The following BMPR2 variants were observed in gnomAD, a reference collection of about 807,000 sequenced individuals.
BMPR2 encodes bone morphogenetic protein receptor type-2.
In BMPR2, 29 loss-of-function variants were observed where a neutral mutation model predicts 100.8. The ratio of observed to expected loss-of-function variants is 0.29; its 90% CI spans 0.21 to 0.39. The LOEUF (loss-of-function observed/expected upper bound fraction) is 0.39. Among genes scored for constraint, BMPR2 ranks in the 10% least tolerant of loss-of-function variants. The pLI is 1.00. For synonymous variants in BMPR2, 382 were observed against 442.3 expected (o/e 0.86, Z 1.71); for missense variants, 1,011 against 1,274.5 (o/e 0.79, Z 3.15).
intron 7 of BMPR2, among the ~76,000 whole-genome samples, chr2:202,523,952 A>G (rs181568600): frequency 1.4e-4 from 22 of 152,250 alleles, no homozygotes; most frequent in African/African-American, 4.6e-4. Context: ...CAAATACCAC[A>G]TTTTCTCACT....
intron 1 of BMPR2, among the ~76,000 whole-genome samples, chr2:202,380,440 A>G (rs115535165): frequency 1.3e-3 from 193 of 152,172 alleles, no homozygotes; most frequent in African/African-American, 4.5e-3. Flanking sequence ...TCTTCATTTT[A>G]GTTTTTCTCA....
chr2:202,440,962 T>C (rs566419559), intron 1 of BMPR2, among the ~76,000 whole-genome samples: 2 of 150,572 alleles, frequency 1.3e-5, no homozygotes, highest in East Asian at 3.9e-4. Flanking sequence ...CTTTCCCACA[T>C]AGAAAATATT....
In BMPR2 at chr2:202,400,308, A is replaced by AT. The variant is rs35517349; in HGVS notation, c.76+22779dup. Among the ~76,000 whole-genome samples the AT allele has an allele frequency of 9.7e-3, 1,266 of 130,552 alleles. 19 individuals are homozygous for AT. The highest frequency in any genetic ancestry group is 0.038 in the East Asian group (175 of 4,596). 85.6% of individuals were successfully genotyped at this position (130,552 alleles called of 152,430 possible). On this transcript the variant is annotated intron_variant, in intron 1 of 12. Coordinates refer to ENST00000374580, the MANE Select transcript of BMPR2 (RefSeq NM_001204.7). ...AGGTGTATACCACCATGCCAAGCTA[A>AT]TTTTTTTTTTTTTTTTTTTTTGGTA...
intron 1 of BMPR2, among the ~76,000 whole-genome samples, chr2:202,416,869 C>A (rs1378037797): frequency 6.8e-6 from 1 of 148,040 alleles, no homozygotes; most frequent in African/African-American, 2.5e-5. Flanking sequence ...CAGAGTCTTG[C>A]GCTGTTGGCC....
chr2:202,390,888 CT>C (rs904723578), intron 1 of BMPR2, among the ~76,000 whole-genome samples: 5 of 143,692 alleles, frequency 3.5e-5, no homozygotes, highest in Non-Finnish European at 7.5e-5. Context: ...ATTACAACTG[CT>C]TTTTTTTTCC....
intron 1 of BMPR2, among the ~76,000 whole-genome samples, chr2:202,458,283 CAAAAAAAAAA>C (rs71035009): frequency 5.7e-5 from 3 of 52,304 alleles, no homozygotes; most frequent in Non-Finnish European, 6.8e-5. Context: ...CTTGTCTCTG[CAAAAAAAAAA>C]AAAAAAAAAA....
At chr2:202,515,297 C>T (rs1007072286) in intron 5 of BMPR2, among the ~76,000 whole-genome samples, 7 of 151,874 alleles carry the variant, frequency 4.6e-5, no homozygotes, top group East Asian at 1.9e-4. Context: ...ATGGGCCAGG[C>T]GCAGTGGCTC....
chr2:202,442,560 A>G (rs1691770428), intron 1 of BMPR2, among the ~76,000 whole-genome samples: 1 of 150,524 alleles, frequency 6.6e-6, no homozygotes, highest in East Asian at 1.9e-4. Context: ...CCTATCCTGC[A>G]TGGCTGAAAG....
At position 202,555,963 on chromosome 2, in the gene BMPR2, A is replaced by G. The variant is rs1688562678; in HGVS notation, c.2298A>G (p.Thr766=). The G allele has an allele frequency of 6.2e-7, 1 of 1,614,182 alleles. No homozygotes were observed. The highest frequency in any genetic ancestry group is 2.2e-5 in the East Asian group (1 of 44,882). Residue 766 remains threonine, a synonymous_variant, in exon 12 of 13, where the codon ACA becomes ACG. Coordinates refer to ENST00000374580, the MANE Select transcript of BMPR2 (RefSeq NM_001204.7). Reference sequence around the variant, plus strand: ...TGCCTTTGAACACCAAAAATTCAACAAAAGAGCCCCGGCTAAAATTTGGCA... The same window carrying G: ...TGCCTTTGAACACCAAAAATTCAACGAAAGAGCCCCGGCTAAAATTTGGCA... ...TSLPLNTKNS[T]KEPRLKFGSK... is the part of the protein sequence containing the mutation.
At chr2:202,534,991 C>CCCGCCACCTCCCTCCCGGACGGGGCGG (rs1174426070) in intron 9 of BMPR2, among the ~76,000 whole-genome samples, 2,612 of 127,928 alleles carry the variant, frequency 0.02, 1,105 homozygotes, top group East Asian at 0.051. Flanking sequence ...TGGCTGACCC[C>CCCGCCACCTCCCTCCCGGACGGGGCGG]CTGCCACCTC....
chr2:202,464,903 A>T lies in BMPR2; in HGVS notation c.171A>T (p.Thr57=), dbSNP rs1395349205. The T allele has an allele frequency of 3.1e-6, 5 of 1,614,146 alleles. No individual in the cohort carries two copies. The part of the protein sequence containing the change: ...GESRISHENG[T]ILCSKGSTCY... ...GTAGAATCTCTCATGAAAATGGGAC[A>T]ATATTATGCTCGAAAGGTAGCACCT... is the stretch of plus-strand genomic sequence containing the variant. The change falls in exon 2 of 13, where the codon ACA becomes ACT. Residue 57 remains threonine, a synonymous_variant. Coordinates refer to ENST00000374580, the MANE Select transcript of BMPR2 (RefSeq NM_001204.7).
chr2:202,447,384 ATATATC>A (rs1315186320), intron 1 of BMPR2, among the ~76,000 whole-genome samples: 1 of 150,618 alleles, frequency 6.6e-6, no homozygotes, highest in Non-Finnish European at 1.5e-5. Flanking sequence ...GACAACCTAA[ATATATC>A]TATAGAGAAC....
chr2:202,384,658 A>C (rs1408611966), intron 1 of BMPR2, among the ~76,000 whole-genome samples: 1 of 150,600 alleles, frequency 6.6e-6, no homozygotes, highest in Non-Finnish European at 1.5e-5. Flanking sequence ...CAATGGCAAG[A>C]TCTCTGCTCA....
At chr2:202,505,327 T>A (rs1687498139) in intron 3 of BMPR2, 1 of 149,824 alleles carries the variant, frequency 6.7e-6, no homozygotes, top group Non-Finnish European at 1.5e-5. Context: ...TAGAGGACAC[T>A]CTCTTAGGAG....
intron 7 of BMPR2, among the ~76,000 whole-genome samples, chr2:202,523,043 CAAAT>C (rs1687846682): frequency 6.6e-6 from 1 of 152,044 alleles, no homozygotes; most frequent in African/African-American, 2.4e-5. Flanking sequence ...AAGCAAAAAA[CAAAT>C]AGCCACATTG....
rs1690387463 is a variant in BMPR2, at chr2:202,384,589, T to TTTCTTTCTC, written c.76+7047_76+7048insCTTCTTTCT. ...CTTTCTTTTTCTTTCTTTTCTTTCT[T>TTTCTTTCTC]TTCTTTCTTTCTTTCTTTCTTTCGA... On this transcript the variant is annotated intron_variant, in intron 1 of 12. Coordinates refer to ENST00000374580, the MANE Select transcript of BMPR2 (RefSeq NM_001204.7). Among the ~76,000 whole-genome samples, 4 of 142,482 alleles carry TTTCTTTCTC rather than the reference T, an allele frequency of 2.8e-5. No homozygotes were observed. In the East Asian group the frequency reaches 8.0e-4, roughly 28 times the overall value. The allele number at this position is 142,482 out of a possible 152,430, so 93.5% of individuals were successfully genotyped here. A position where few individuals can be genotyped will look rare whatever the true frequency, so the allele number is the denominator to read the frequency against.
Position 202,446,655 on chromosome 2 carries a change from C to A in BMPR2, c.77-18154C>A, listed in dbSNP as rs1366844315. 4.2e-5 allele frequency among the ~76,000 whole-genome samples: 6 copies of A among 144,096 alleles called. 1 individual carries two copies. The highest frequency in any genetic ancestry group is 1.6e-4 in the African/African-American group (6 of 37,224). The allele number at this position is 144,096 out of a possible 152,430, so 94.5% of individuals were successfully genotyped here. A position where few individuals can be genotyped will look rare whatever the true frequency, so the allele number is the denominator to read the frequency against. On this transcript the variant is annotated intron_variant, in intron 1 of 12. Transcript: ENST00000374580. ...GTGCCCATGTGCACACACTCACATA[C>A]ATTTTTTTTTTTTTGAAACAGAGTC...
intron 5 of BMPR2, among the ~76,000 whole-genome samples, chr2:202,515,890 T>G (rs1411228716): frequency 6.6e-6 from 1 of 151,548 alleles, no homozygotes; most frequent in Non-Finnish European, 1.5e-5. Context: ...TCTCAAAAAA[T>G]AAAAAAGAAA....
chr2:202,388,000 TA>T (rs1333022736), intron 1 of BMPR2, among the ~76,000 whole-genome samples: 3 of 152,346 alleles, frequency 2.0e-5, no homozygotes, highest in African/African-American at 7.2e-5. Context: ...TTCCTTTGGC[TA>T]AACCAATGTG....
Sources: gnomAD v4.1 joint callset for allele counts (sites outside exome capture counted in the v4.1 genomes callset) on GRCh38, gnomAD v4.1.1 for gene constraint, MANE v1.5 for transcripts, NCBI Gene and HGNC (gene_info 2026-07-23, HGNC 2026-07-21) for gene names.